PDE5A: variants seen among roughly 807,000 people sequenced by gnomAD.
PDE5A encodes cGMP-specific 3',5'-cyclic phosphodiesterase.
In PDE5A, 67 loss-of-function variants were observed where a neutral mutation model predicts 110.2. The ratio of observed to expected loss-of-function variants is 0.61; its 90% CI spans 0.50 to 0.75. PDE5A has a LOEUF of 0.75. Among genes scored for constraint, PDE5A ranks in the 30% least tolerant of loss-of-function variants. The probability of loss-of-function intolerance (pLI) is 0.00; values close to 1 mark genes in which losing one functional copy is unlikely to be tolerated. For synonymous variants in PDE5A, 328 were observed against 351.2 expected (o/e 0.93, Z 0.74); for missense variants, 862 against 1,045.1 (o/e 0.82, Z 2.42).
chr4:119,564,375 A>C (rs1727851018), intron 5 of PDE5A, among the ~76,000 whole-genome samples: 1 of 152,160 alleles, frequency 6.6e-6, no homozygotes, highest in Non-Finnish European at 1.5e-5. Flanking sequence ...GCCCTTTCTT[A>C]AGTAGTTAAT....
At chr4:119,592,150 C>CAAA (rs70944895) in intron 3 of PDE5A, among the ~76,000 whole-genome samples, 438 of 15,732 alleles carry the variant, frequency 0.028, 60 homozygotes, top group Non-Finnish European at 0.038. Context: ...GACTCTGTCT[C>CAAA]AAAAAAAAAA....
chr4:119,575,654 C>T (rs1412705901), intron 3 of PDE5A, among the ~76,000 whole-genome samples: 1 of 152,152 alleles, frequency 6.6e-6, no homozygotes, highest in East Asian at 1.9e-4. Flanking sequence ...TTTGTCACCA[C>T]CAGGCCTGCC....
intron 14 of PDE5A, among the ~76,000 whole-genome samples, chr4:119,515,449 CT>C (rs1007287971): frequency 1.3e-5 from 2 of 152,044 alleles, no homozygotes; most frequent in African/African-American, 4.8e-5. Flanking sequence ...TTTTCTCCCC[CT>C]GATTGTATTG....
At chr4:119,583,600 T>C (rs549890659) in intron 3 of PDE5A, among the ~76,000 whole-genome samples, 1 of 152,312 alleles carries the variant, frequency 6.6e-6, no homozygotes, top group African/African-American at 2.4e-5. Flanking sequence ...TCACTAAGCT[T>C]ATTCATTTCT....
In PDE5A at chr4:119,628,775, C is replaced by T. The variant is rs761685692; in HGVS notation, c.-104G>A. On this transcript the variant is annotated 5_prime_UTR_variant, in exon 1 of 21. Transcript: ENST00000354960. Reference sequence around the variant, plus strand: ...ACTCGGCCTCGAGACCCTCCCCCTTCGTCCTGCTCCAGTCGGGCCGGCTTT... The same window carrying T: ...ACTCGGCCTCGAGACCCTCCCCCTTTGTCCTGCTCCAGTCGGGCCGGCTTT... 7.4e-6 allele frequency: 11 copies of T among 1,492,054 alleles called. No homozygotes were observed. In the African/African-American group the frequency reaches 1.1e-4, roughly 15 times the overall value. The allele number at this position is 1,492,054 out of a possible 1,614,324, so 92.4% of individuals were successfully genotyped here. A position where few individuals can be genotyped will look rare whatever the true frequency, so the allele number is the denominator to read the frequency against.
At chr4:119,609,260 G>C (rs1289091592) in intron 1 of PDE5A, among the ~76,000 whole-genome samples, 2 of 152,130 alleles carry the variant, frequency 1.3e-5, no homozygotes, top group African/African-American at 4.8e-5. Context: ...GGAAATACAA[G>C]GGTATTTACT....
At chr4:119,573,640 A>G (rs1728216367) in intron 3 of PDE5A, among the ~76,000 whole-genome samples, 1 of 152,184 alleles carries the variant, frequency 6.6e-6, no homozygotes, top group Non-Finnish European at 1.5e-5. Flanking sequence ...CTTTATACCT[A>G]TGATTTATCT....
Position 119,539,011 on chromosome 4 carries a change from C to T in PDE5A, c.1581G>A (p.Ser527=), listed in dbSNP as rs764463929. 1.6e-5 allele frequency: 25 copies of T among 1,611,942 alleles called. No individual in the cohort carries two copies. Among genetic ancestry groups the T allele is most frequent in the South Asian group, 2.2e-5 (2 of 91,024 alleles). The change falls in exon 11 of 21, where the codon TCG becomes TCA. Residue 527 remains serine, a synonymous_variant. Transcript: ENST00000354960. ...AKQMVTLEVL[S]YHASAAEEET... ...CTTCCTCTGCTGCTGAAGCATGATACGACAGAACCTACAGGGTAGGAAAAG... is the reference window on the plus strand; with the variant it reads ...CTTCCTCTGCTGCTGAAGCATGATATGACAGAACCTACAGGGTAGGAAAAG...
intron 3 of PDE5A, among the ~76,000 whole-genome samples, chr4:119,581,487 T>C (rs2110522074): frequency 6.6e-6 from 1 of 152,314 alleles, no homozygotes; most frequent in Admixed American, 6.5e-5. Flanking sequence ...AAGTCCTTCA[T>C]ATGGAGAACA....
chr4:119,524,047 G>A (rs1284258880), intron 12 of PDE5A, among the ~76,000 whole-genome samples: 2 of 151,906 alleles, frequency 1.3e-5, no homozygotes, highest in Non-Finnish European at 2.9e-5. Flanking sequence ...GCCTAAGAAT[G>A]GGATAACTGA....
chr4:119,597,557 TG>T (rs914990205), intron 2 of PDE5A, among the ~76,000 whole-genome samples: 1 of 152,102 alleles, frequency 6.6e-6, no homozygotes, highest in Non-Finnish European at 1.5e-5. Context: ...CATAAACATC[TG>T]AATGAGTGCT....
intron 2 of PDE5A, among the ~76,000 whole-genome samples, chr4:119,603,617 T>C (rs1176327609): frequency 1.2e-4 from 2 of 16,222 alleles, no homozygotes; most frequent in Non-Finnish European, 4.3e-4. Flanking sequence ...AATAAAACTA[T>C]AGAATTTTCA....
At chr4:119,617,452 G>A (rs1032121016) in intron 1 of PDE5A, among the ~76,000 whole-genome samples, 3 of 152,126 alleles carry the variant, frequency 2.0e-5, no homozygotes, top group Admixed American at 2.0e-4. Flanking sequence ...AAGTGGAACT[G>A]CTCACTCACA....
chr4:119,565,503 A>T (rs1022412635), intron 4 of PDE5A, 93 bp from the exon 5 acceptor site: 56 of 804,008 alleles, frequency 7.0e-5, no homozygotes, highest in Non-Finnish European at 9.0e-5. Context: ...TACAGTTAGA[A>T]AGCCAAAAGA....
At chr4:119,568,504 T>C (rs1275823491) in intron 3 of PDE5A, among the ~76,000 whole-genome samples, 1 of 152,066 alleles carries the variant, frequency 6.6e-6, no homozygotes, top group Non-Finnish European at 1.5e-5. Flanking sequence ...TACCAAAAAG[T>C]AATAAAAAAC....
At chr4:119,576,198 A>T (rs1212537294) in intron 3 of PDE5A, among the ~76,000 whole-genome samples, 1 of 152,166 alleles carries the variant, frequency 6.6e-6, no homozygotes, top group African/African-American at 2.4e-5. Context: ...AAGTCCTTAG[A>T]GACCTACAAA....
At chr4:119,591,481 C>G (rs1728964643) in intron 3 of PDE5A, among the ~76,000 whole-genome samples, 1 of 152,320 alleles carries the variant, frequency 6.6e-6, no homozygotes, top group Admixed American at 6.5e-5. Context: ...AGCAAGCAAT[C>G]TTAATAATTA....
At chr4:119,572,324 T>C (rs183834819) in intron 3 of PDE5A, among the ~76,000 whole-genome samples, 1 of 152,350 alleles carries the variant, frequency 6.6e-6, no homozygotes, top group Non-Finnish European at 1.5e-5. Flanking sequence ...TTGATGATAA[T>C]GGGAAAAATG....
At chr4:119,606,686 T>C (rs753299805) in intron 2 of PDE5A, 23 bp downstream of exon 2, 2 of 1,575,750 alleles carry the variant, frequency 1.3e-6, no homozygotes, top group Admixed American at 3.3e-5. Flanking sequence ...GCACTGGTCC[T>C]GCTCTCATGC....
Sources: gnomAD v4.1 joint callset for allele counts (sites outside exome capture counted in the v4.1 genomes callset) on GRCh38, gnomAD v4.1.1 for gene constraint, MANE v1.5 for transcripts, NCBI Gene and HGNC (gene_info 2026-07-23, HGNC 2026-07-21) for gene names.